The following ENOX1 variants were observed in gnomAD, a reference collection of about 807,000 sequenced individuals.
ENOX1 encodes the protein candidate growth-related and time keeping constitutive hydroquinone (NADH) oxidase.
A neutral mutation model predicts 82.5 loss-of-function variants in ENOX1; 42 were observed. The observed-to-expected ratio is 0.51, with a 90% confidence interval of 0.40 to 0.66. The LOEUF is 0.66. ENOX1 is among the 30% of genes least tolerant of loss of function. The probability of loss-of-function intolerance (pLI) is 0.00; values close to 1 mark genes in which losing one functional copy is unlikely to be tolerated. For missense variants in ENOX1, 608 were observed against 811.6 expected (o/e 0.75, Z 3.05); for synonymous variants, 271 against 282.2 (o/e 0.96, Z 0.40).
intron 1 of ENOX1, among the ~76,000 whole-genome samples, chr13:43,716,528 A>C (rs1216268060): frequency 6.6e-6 from 1 of 152,220 alleles, no homozygotes; most frequent in African/African-American, 2.4e-5. Flanking sequence ...GAAGTCCTGG[A>C]CAGAGCATTC....
rs775033234 is a variant in ENOX1, at chr13:43,655,994, C to T, written c.-219+11485G>A. Among the ~76,000 whole-genome samples, 6 of 152,242 alleles carry T rather than the reference C, an allele frequency of 3.9e-5. No homozygotes were observed. In the Middle Eastern group the frequency reaches 0.017, roughly 432 times the overall value. On this transcript the variant is annotated intron_variant, in intron 2 of 16. Transcript: ENST00000690772. ...CAATGTGAGTAATCACTGTCTTGAC[C>T]TCATCCAAAAGACCCCTATTTTTGC...
intron 3 of ENOX1, among the ~76,000 whole-genome samples, chr13:43,456,607 A>G (rs1220902528): frequency 6.6e-6 from 1 of 152,050 alleles, no homozygotes; most frequent in Non-Finnish European, 1.5e-5. Flanking sequence ...CCTGGGAGCT[A>G]TGTCAGGGAA....
At chr13:43,730,449 T>G (rs2089275483) in intron 1 of ENOX1, among the ~76,000 whole-genome samples, 1 of 152,152 alleles carries the variant, frequency 6.6e-6, no homozygotes, top group Non-Finnish European at 1.5e-5. Flanking sequence ...ATCCGATCAC[T>G]CTCCAAAGTC....
intron 1 of ENOX1, among the ~76,000 whole-genome samples, chr13:43,707,088 T>C (rs1366026044): frequency 1.3e-5 from 2 of 152,136 alleles, no homozygotes; most frequent in Middle Eastern, 3.2e-3. Context: ...AAAGTGAATA[T>C]ATGAAAATCA....
At chr13:43,681,965 G>C (rs566057602) in intron 1 of ENOX1, among the ~76,000 whole-genome samples, 1 of 152,122 alleles carries the variant, frequency 6.6e-6, no homozygotes, top group South Asian at 2.1e-4. Flanking sequence ...TCCTTACTAT[G>C]CTTTGCCCAG....
chr13:43,600,659 C>T (rs2081668414), intron 2 of ENOX1, among the ~76,000 whole-genome samples: 1 of 152,128 alleles, frequency 6.6e-6, no homozygotes, highest in Admixed American at 6.5e-5. Context: ...ATTGTAGAGC[C>T]CTAAGGCCTT....
At chr13:43,607,462 C>T (rs1357481688) in intron 2 of ENOX1, among the ~76,000 whole-genome samples, 3 of 152,080 alleles carry the variant, frequency 2.0e-5, no homozygotes, top group East Asian at 3.8e-4. Flanking sequence ...TCAAATATTA[C>T]CAATGGCAGT....
Position 43,616,187 on chromosome 13 carries a change from T to TAGATAGATAGATAG in ENOX1, c.-219+51291_-219+51292insCTATCTATCTATCT, listed in dbSNP as rs1309689878. Reference sequence around the variant, plus strand: ...CTATCTATCTATCTATCTATCTATCTATATATATATATATATATTTTTTTT... The same window carrying TAGATAGATAGATAG: ...CTATCTATCTATCTATCTATCTATCTAGATAGATAGATAGATATATATATATATATATTTTTTTT... On this transcript the variant is annotated intron_variant, in intron 2 of 16. Transcript: ENST00000690772. Among the ~76,000 whole-genome samples, 21 of 11,286 alleles carry TAGATAGATAGATAG rather than the reference T, an allele frequency of 1.9e-3. 1 individual carries two copies. The East Asian group carries it at 0.034, about 19-fold the overall frequency. The allele number at this position is 11,286 out of a possible 152,430, so 7.4% of individuals were successfully genotyped here.
chr13:43,480,283 A>G (rs1217832698), intron 3 of ENOX1, among the ~76,000 whole-genome samples: 1 of 152,172 alleles, frequency 6.6e-6, no homozygotes. Context: ...CTTGCATCAC[A>G]AAGAACTGTC....
chr13:43,553,535 A>T (rs535076101), intron 2 of ENOX1, among the ~76,000 whole-genome samples: 1 of 152,266 alleles, frequency 6.6e-6, no homozygotes, highest in South Asian at 2.1e-4. Context: ...TGTACGATTC[A>T]CTTTTGCTTT....
Position 43,612,722 on chromosome 13 carries a change from G to A in ENOX1, c.-219+54757C>T, listed in dbSNP as rs186128351. Reference sequence around the variant, plus strand: ...AATTGTTCTTAGTATTTTTCTTGCAGATTTTCATGATATGGTTCCCAAAAT... The same window carrying A: ...AATTGTTCTTAGTATTTTTCTTGCAAATTTTCATGATATGGTTCCCAAAAT... On this transcript the variant is annotated intron_variant, in intron 2 of 16. Coordinates refer to ENST00000690772, the MANE Select transcript of ENOX1 (RefSeq NM_001347969.2). Among the ~76,000 whole-genome samples the A allele has an allele frequency of 1.6e-3, 241 of 152,256 alleles. 1 individual carries two copies. The highest frequency in any genetic ancestry group is 7.9e-4 in the Admixed American group (12 of 15,284).
chr13:43,361,338 A>G lies in ENOX1; in HGVS notation c.323T>C (p.Val108Ala), dbSNP rs1373113840. Residue 108 changes from valine (V) to alanine (A), a missense_variant, in exon 6 of 17, where the codon GTG becomes GCG. By Grantham distance (64) the Val-to-Ala change is moderately conservative. Transcript: ENST00000690772. ...GLVPPPPPTE[V>A]AVVKEIIHCK... ...GTGGATTATTTCTTTGACAACAGCC[A>G]CTTCTGTTGGTGGTGGGGGAGGTAC... 1 of 1,614,064 alleles carries G rather than the reference A, an allele frequency of 6.2e-7. No individual in the cohort carries two copies. The highest frequency in any genetic ancestry group is 1.1e-5 in the South Asian group (1 of 91,060).
rs1043817134 is a variant in ENOX1 at position 43,461,642 on chromosome 13, C to A, written c.-75+22367G>T. Reference sequence around the variant, plus strand: ...GGATGGTTAGGAAATCTTCATAGAGCAGGTATGATTTTTAAGGGGCTTTGA... The same window carrying A: ...GGATGGTTAGGAAATCTTCATAGAGAAGGTATGATTTTTAAGGGGCTTTGA... On this transcript the variant is annotated intron_variant, in intron 3 of 16. Coordinates refer to ENST00000690772, the MANE Select transcript of ENOX1 (RefSeq NM_001347969.2). 3.9e-5 allele frequency among the ~76,000 whole-genome samples: 6 copies of A among 152,152 alleles called. 1 individual carries two copies. Among genetic ancestry groups the A allele is most frequent in the Admixed American group, 3.9e-4 (6 of 15,292 alleles).
intron 12 of ENOX1, among the ~76,000 whole-genome samples, chr13:43,281,820 C>T (rs1472456100): frequency 3.9e-5 from 6 of 152,124 alleles, no homozygotes; most frequent in Admixed American, 3.3e-4. Flanking sequence ...AGGGAGACCA[C>T]GTTTTTAGGG....
chr13:43,261,173 T>A (rs1277019248), intron 14 of ENOX1, among the ~76,000 whole-genome samples: 1 of 152,234 alleles, frequency 6.6e-6, no homozygotes, highest in Non-Finnish European at 1.5e-5. Context: ...GGTCAGATCC[T>A]GGTGGTACAC....
At chr13:43,420,768 A>G (rs2054925788) in intron 3 of ENOX1, among the ~76,000 whole-genome samples, 1 of 152,126 alleles carries the variant, frequency 6.6e-6, no homozygotes, top group Non-Finnish European at 1.5e-5. Context: ...GTTACTCCTT[A>G]TTTCTTAGAT....
chr13:43,268,783 T>C lies in ENOX1; in HGVS notation c.1554+687A>G, dbSNP rs189228719. On this transcript the variant is annotated intron_variant, in intron 13 of 16. Transcript: ENST00000690772. The stretch of plus-strand genomic sequence containing the variant: ...CCTTCAAATTACCATTCATACATTG[T>C]TGGCAGCAAGTGAAGGCCAGAAATA... Among the ~76,000 whole-genome samples, 87 of 152,344 alleles carry C rather than the reference T, an allele frequency of 5.7e-4. No homozygotes were observed. In the East Asian group the frequency reaches 9.1e-3, roughly 16 times the overall value.
chr13:43,512,815 C>T (rs1367306544), intron 2 of ENOX1, among the ~76,000 whole-genome samples: 1 of 152,006 alleles, frequency 6.6e-6, no homozygotes, highest in Non-Finnish European at 1.5e-5. Context: ...GCTATAAGAT[C>T]CTGCCTCATG....
chr13:43,549,232 G>A (rs1030099976), intron 2 of ENOX1, among the ~76,000 whole-genome samples: 1 of 152,188 alleles, frequency 6.6e-6, no homozygotes, highest in Non-Finnish European at 1.5e-5. Context: ...TGTAATATCA[G>A]TCACATTGAA....
Sources: allele counts gnomAD v4.1 joint callset (sites outside exome capture counted in the v4.1 genomes callset), GRCh38; gene constraint gnomAD v4.1.1; transcripts MANE v1.5; gene names NCBI Gene and HGNC (gene_info 2026-07-23, HGNC 2026-07-21).